CACNB1: variants seen among roughly 807,000 people sequenced by gnomAD.
The protein encoded by CACNB1 is voltage-dependent L-type calcium channel subunit beta-1.
Under a neutral mutation model 71.6 loss-of-function variants are expected in CACNB1, and 29 were observed. The observed-to-expected ratio is 0.40, with a 90% CI of 0.30 to 0.55. The LOEUF (loss-of-function observed/expected upper bound fraction) is 0.55. Among genes scored for constraint, CACNB1 ranks in the 20% least tolerant of loss-of-function variants. CACNB1 has a pLI of 0.38. For synonymous variants in CACNB1, 300 were observed against 319.6 expected, an observed-to-expected ratio of 0.94 and a Z score of 0.65; for missense variants, 623 against 801.8, an observed-to-expected ratio of 0.78 and a Z score of 2.69.
In CACNB1 at chr17:39,186,454, C is replaced by CA; in HGVS notation, c.628+41dup. ...CAGGGAGTGGGGAGACCACCCCACC[C>CA]AGGAGCTTCTTCCCAAACCCCTGCA... On this transcript the variant is annotated intron_variant, in intron 6 of 13. Coordinates refer to ENST00000394303, the MANE Select transcript of CACNB1 (RefSeq NM_000723.5). This position sits in a 1 kb window ranked among gnomAD's most constrained non-coding sequence, Gnocchi z 4.1. The CA allele has an allele frequency of 6.7e-7, 1 of 1,503,448 alleles. No homozygotes were observed. Among genetic ancestry groups the CA allele is most frequent in the Non-Finnish European group, 9.2e-7 (1 of 1,089,808 alleles). 93.1% of individuals were successfully genotyped at this position (1,503,448 alleles called of 1,614,324 possible). A position where few individuals can be genotyped will look rare whatever the true frequency, so the allele number is the denominator to read the frequency against.
Position 39,194,920 on chromosome 17 carries a change from C to A in CACNB1, c.135G>T (p.Thr45=). The change falls in exon 2 of 14, where the codon ACG becomes ACT. Residue 45 remains threonine (T), a synonymous_variant. Transcript: ENST00000394303. This position sits in a 1 kb window ranked among gnomAD's most constrained non-coding sequence, Gnocchi z 4.6. ...AGCTGTTGGATGTGGTATCCGAGGA[C>A]GTGCTCCCATCTGACCGTTTGAATC... ...KGRFKRSDGS[T]SSDTTSNSFV... 4.3e-6 allele frequency: 7 copies of A among 1,613,340 alleles called. No homozygotes were observed. Among genetic ancestry groups the A allele is most frequent in the Non-Finnish European group, 5.9e-6 (7 of 1,179,436 alleles).
At chr17:39,185,425 C>A (rs1238168621) in intron 6 of CACNB1, among the ~76,000 whole-genome samples, 1 of 152,062 alleles carries the variant, frequency 6.6e-6, no homozygotes, top group African/African-American at 2.4e-5. Flanking sequence ...ACATATCCTA[C>A]CCTCTTCTGG....
At chr17:39,190,118 A>C (rs931032910) in intron 3 of CACNB1, among the ~76,000 whole-genome samples, 1 of 147,096 alleles carries the variant, frequency 6.8e-6, no homozygotes, top group Non-Finnish European at 1.5e-5. Flanking sequence ...TCCATCTCAA[A>C]AATAAATAAA....
chr17:39,187,205 C>T (rs1420233989), intron 4 of CACNB1: 2 of 600,334 alleles, frequency 3.3e-6, no homozygotes, highest in Non-Finnish European at 5.9e-6. Flanking sequence ...TCTACAAAGG[C>T]CGCTGGAGTA....
chr17:39,196,285 T>C (rs1597721315), intron 1 of CACNB1, among the ~76,000 whole-genome samples: 1 of 152,044 alleles, frequency 6.6e-6, no homozygotes, highest in Admixed American at 6.5e-5. Context: ...CAAGTTGTGA[T>C]GCTCCCTACA....
rs2045934773 is a variant in CACNB1, at chr17:39,186,185, A to G, written c.628+311T>C. On this transcript the variant is annotated intron_variant, in intron 6 of 13. Coordinates refer to ENST00000394303, the MANE Select transcript of CACNB1 (RefSeq NM_000723.5). The surrounding 1 kb of genome is among the most constrained non-coding windows in gnomAD (Gnocchi z 4.1). ...GAGATGAACGTGGAGACACAAGTAC[A>G]GAACGCAGGGATGGGGATGGGGAAA... The G allele has an allele frequency of 1.6e-6, 2 of 1,213,372 alleles. No homozygotes were observed. The highest frequency in any genetic ancestry group is 1.3e-5 in the South Asian group (1 of 76,536). 75.2% of individuals were successfully genotyped at this position (1,213,372 alleles called of 1,614,324 possible).
At chr17:39,184,175 G>A (rs1051629758) in intron 9 of CACNB1, 35 bp from the exon 10 acceptor site, 3 of 1,442,272 alleles carry the variant, frequency 2.1e-6, no homozygotes, top group Middle Eastern at 3.5e-4. Context: ...TCAGGGGTCA[G>A]GGTGGGCTGG....
At chr17:39,193,466 T>G (rs1470877425) in intron 2 of CACNB1, 1 of 453,592 alleles carries the variant, frequency 2.2e-6, no homozygotes, top group Non-Finnish European at 4.4e-6. Flanking sequence ...ACGGTCCGGC[T>G]GGGCGCCTCC....
chr17:39,187,738 G>C (rs922048546), intron 3 of CACNB1, 137 bp from the exon 4 acceptor site: 30 of 1,040,284 alleles, frequency 2.9e-5, no homozygotes, highest in Middle Eastern at 2.1e-4. Context: ...CATGGGCAGG[G>C]TGTGGTGGCT....
Position 39,191,466 on chromosome 17 carries a change from T to C in CACNB1, c.291+8A>G, listed in dbSNP as rs779840236. 2.3e-5 allele frequency: 37 copies of C among 1,596,808 alleles called. No homozygotes were observed. Among genetic ancestry groups the C allele is most frequent in the Non-Finnish European group, 2.6e-5 (31 of 1,174,344 alleles). ...TGCCAGCACAGCCCCTCCCCACATC[T>C]TTCTCACCTTGGCCTTCTCGAGCTG... On this transcript the variant is annotated splice_region_variant and intron_variant, in intron 3 of 13. Transcript: ENST00000394303.
In CACNB1 at chr17:39,175,274, G is replaced by C. The variant is rs2045547057; in HGVS notation, c.1716C>G (p.Tyr572Ter). 6.2e-7 allele frequency: 1 copy of C among 1,614,076 alleles called. No homozygotes were observed. The highest frequency in any genetic ancestry group is 8.5e-7 in the Non-Finnish European group (1 of 1,180,040). The stretch of plus-strand genomic sequence containing the variant: ...AAACTGGACCCCCACCCTCAGCGCA[G>C]TAGCGGGCCTTATTCCGGCCCCGGT... The part of the protein sequence containing the change: ...NRNRGRNKAR[Y>*]CAEGGGPVLG... Residue 572 changes from tyrosine to a stop codon, truncating the protein, a stop_gained, in exon 14 of 14, where the codon TAC (tyrosine) becomes TAG (stop). Transcript: ENST00000394303. LOFTEE classifies it high-confidence loss of function. This position sits in a 1 kb window ranked among gnomAD's most constrained non-coding sequence, Gnocchi z 4.7.
At chr17:39,182,832 T>C (rs960088084) in intron 11 of CACNB1, 5 of 388,152 alleles carry the variant, frequency 1.3e-5, no homozygotes, top group African/African-American at 2.2e-5. Flanking sequence ...GGTGAAGAAA[T>C]AGAGAATCAG....
Position 39,186,593 on chromosome 17 carries a change from C to T in CACNB1, c.552-21G>A, listed in dbSNP as rs761701256. 3 of 1,609,018 alleles carry T rather than the reference C, an allele frequency of 1.9e-6. No homozygotes were observed. The highest frequency in any genetic ancestry group is 2.6e-6 in the Non-Finnish European group (3 of 1,176,360). Reference sequence around the variant, plus strand: ...ATTTGCTGTGTGGGCAGAGGCAAACCGAGCTTGTGAGCAAAGAGGTGGGCG... The same window carrying T: ...ATTTGCTGTGTGGGCAGAGGCAAACTGAGCTTGTGAGCAAAGAGGTGGGCG... On this transcript the variant is annotated intron_variant, in intron 5 of 13. Transcript: ENST00000394303. The surrounding 1 kb of genome is among the most constrained non-coding windows in gnomAD (Gnocchi z 4.1).
At chr17:39,196,841 G>A (rs879928668) in intron 1 of CACNB1, among the ~76,000 whole-genome samples, 4 of 152,000 alleles carry the variant, frequency 2.6e-5, no homozygotes, top group Non-Finnish European at 5.9e-5. Flanking sequence ...GAGCAGGTCC[G>A]ACATAGAGAT....
intron 3 of CACNB1, among the ~76,000 whole-genome samples, chr17:39,189,219 T>G (rs1228866787): frequency 6.8e-6 from 1 of 147,440 alleles, no homozygotes; most frequent in Non-Finnish European, 1.5e-5. Context: ...AAAAATTAGC[T>G]GGGCGTGGTG....
At chr17:39,187,390 T>A in intron 4 of CACNB1, 89 bp downstream of exon 4, 1 of 1,479,206 alleles carries the variant, frequency 6.8e-7, no homozygotes, top group Non-Finnish European at 9.4e-7. Flanking sequence ...TCAGCCTGGC[T>A]CTGCTTGGCT....
chr17:39,191,629 G>A (rs1417184439), intron 2 of CACNB1, 36 bp from the exon 3 acceptor site: 31 of 1,597,574 alleles, frequency 1.9e-5, no homozygotes, highest in Non-Finnish European at 2.6e-5. Context: ...GGCCATTGCT[G>A]CCCCTCCCAG....
At position 39,194,570 on chromosome 17, in the gene CACNB1, G is replaced by A. The variant is rs1297794930; in HGVS notation, c.171+314C>T. Among the ~76,000 whole-genome samples the A allele has an allele frequency of 6.6e-6, 1 of 152,126 alleles. No individual in the cohort carries two copies. Among genetic ancestry groups the A allele is most frequent in the Non-Finnish European group, 1.5e-5 (1 of 68,018 alleles). On this transcript the variant is annotated intron_variant, in intron 2 of 13. Coordinates refer to ENST00000394303, the MANE Select transcript of CACNB1 (RefSeq NM_000723.5). The surrounding 1 kb of genome is among the most constrained non-coding windows in gnomAD (Gnocchi z 4.6). Reference sequence around the variant, plus strand: ...TGGAAGCAGACAGCCGGCAGGGGGAGTGGGTGACAGCCCGAAGCAAGCTGG... The same window carrying A: ...TGGAAGCAGACAGCCGGCAGGGGGAATGGGTGACAGCCCGAAGCAAGCTGG...
At chr17:39,193,511 T>C in intron 2 of CACNB1, 1 of 445,018 alleles carries the variant, frequency 2.2e-6, no homozygotes, top group South Asian at 1.6e-5. Context: ...CCTGCTGGCC[T>C]AGGGGGTGGC....
Sources: gnomAD v4.1 joint callset for allele counts (sites outside exome capture counted in the v4.1 genomes callset) on GRCh38, gnomAD v4.1.1 for gene constraint, Gnocchi (gnomAD v3.1) non-coding constraint, MANE v1.5 for transcripts, NCBI Gene and HGNC (gene_info 2026-07-23, HGNC 2026-07-21) for gene names.